The following CD247 variants were observed in gnomAD, a reference collection of about 807,000 sequenced individuals.
CD247 encodes the protein CD247 molecule.
Under a neutral mutation model 30.0 loss-of-function variants are expected in CD247, and 13 were observed. The observed-to-expected ratio is 0.43, with a 90% confidence interval of 0.28 to 0.69. The LOEUF is 0.69. CD247 is among the 30% of genes least tolerant of loss of function. CD247 has a pLI of 0.16. For missense variants in CD247, 193 were observed against 212.6 expected (o/e 0.91, Z 0.57); for synonymous variants, 72 against 80.0 (o/e 0.90, Z 0.53).
At chr1:167,434,224 C>T in intron 5 of CD247, 148 bp from the exon 6 acceptor site, 2 of 755,776 alleles carry the variant, frequency 2.6e-6, no homozygotes, top group African/African-American at 1.7e-5. Context: ...ACCTTATGCA[C>T]ACAAACTTCT....
intron 1 of CD247, among the ~76,000 whole-genome samples, chr1:167,480,808 GTAATTCATT>G (rs1402943935): frequency 1.3e-5 from 2 of 152,306 alleles, no homozygotes; most frequent in Non-Finnish European, 2.9e-5. Context: ...TTGGTTACAA[GTAATTCATT>G]TAATTCATGA....
intron 1 of CD247, among the ~76,000 whole-genome samples, chr1:167,460,533 G>C (rs139836463): frequency 5.0e-4 from 76 of 152,350 alleles, no homozygotes; most frequent in African/African-American, 1.7e-3. Context: ...AGGAGAGCCA[G>C]CTTCTCAGCT....
At chr1:167,483,133 C>G (rs1256024162) in intron 1 of CD247, among the ~76,000 whole-genome samples, 1 of 151,884 alleles carries the variant, frequency 6.6e-6, no homozygotes, top group Admixed American at 6.6e-5. Flanking sequence ...CTCAGCCTCC[C>G]GAGTAGCTGG....
chr1:167,492,441 C>CA (rs1331696133), intron 1 of CD247, among the ~76,000 whole-genome samples: 2 of 152,162 alleles, frequency 1.3e-5, no homozygotes, highest in Non-Finnish European at 2.9e-5. Flanking sequence ...CCACTGCTCT[C>CA]AGAGACAAAG....
At chr1:167,456,995 CTCTT>C (rs1652708353) in intron 1 of CD247, among the ~76,000 whole-genome samples, 6 of 152,208 alleles carry the variant, frequency 3.9e-5, no homozygotes, top group Non-Finnish European at 7.3e-5. Context: ...ATTTCTTTGT[CTCTT>C]TCCAGCCCTG....
Position 167,518,415 on chromosome 1 carries a change from C to A in CD247, c.51G>T (p.Pro17=). 6.2e-7 allele frequency: 1 copy of A among 1,614,152 alleles called. No individual in the cohort carries two copies. Residue 17 remains proline, a synonymous_variant, in exon 1 of 8, where the codon CCG becomes CCT. Transcript: ENST00000362089. ...FTAAILQAQL[P]ITEAQSFGLL... is the part of the protein sequence containing the mutation. ...TCGACACGTCGGCCCTACCTGTAAT[C>A]GGCAACTGTGCCTGCAGGATGGCCG...
At position 167,431,940 on chromosome 1, in the gene CD247, C is replaced by T. The variant is rs114478569; in HGVS notation, c.430-194G>A. 1.2e-3 allele frequency among the ~76,000 whole-genome samples: 183 copies of T among 152,316 alleles called. 1 individual carries two copies. Among genetic ancestry groups the T allele is most frequent in the African/African-American group, 4.3e-3 (177 of 41,572 alleles). On this transcript the variant is annotated intron_variant, in intron 7 of 7. Transcript: ENST00000362089. ...CAACAGCTTCGTTGGTAGATGGGTG[C>T]TGTGCCCTGCCGGGAATGGCCTTGC...
chr1:167,465,739 A>G (rs1164088538), intron 1 of CD247, among the ~76,000 whole-genome samples: 2 of 152,154 alleles, frequency 1.3e-5, no homozygotes, highest in Non-Finnish European at 2.9e-5. Flanking sequence ...TATTTATTTC[A>G]CAGCAGCAGG....
At chr1:167,498,662 T>G (rs1265821489) in intron 1 of CD247, among the ~76,000 whole-genome samples, 1 of 152,234 alleles carries the variant, frequency 6.6e-6, no homozygotes, top group Non-Finnish European at 1.5e-5. Context: ...ATCTTCATTT[T>G]ATAAAGAAGA....
chr1:167,460,002 G>A (rs930943843), intron 1 of CD247: 3 of 152,172 alleles, frequency 2.0e-5, no homozygotes, highest in African/African-American at 4.8e-5. Flanking sequence ...AGTCAGGTAG[G>A]TTTTCCCCGA....
At chr1:167,482,993 ATTCTTTCT>A (rs146766315) in intron 1 of CD247, among the ~76,000 whole-genome samples, 5 of 135,922 alleles carry the variant, frequency 3.7e-5, no homozygotes, top group East Asian at 2.1e-4. Context: ...ACTAACCAAT[ATTCTTTCT>A]TTCTTTCTTT....
chr1:167,515,293 CAAT>C (rs1229499717), intron 1 of CD247, among the ~76,000 whole-genome samples: 1 of 152,238 alleles, frequency 6.6e-6, no homozygotes, highest in Non-Finnish European at 1.5e-5. Flanking sequence ...TGTGCACCCA[CAAT>C]AGCCCTTTGG....
At chr1:167,472,455 A>G (rs1443318565) in intron 1 of CD247, among the ~76,000 whole-genome samples, 1 of 152,228 alleles carries the variant, frequency 6.6e-6, no homozygotes, top group Non-Finnish European at 1.5e-5. Flanking sequence ...ATGCACTCAC[A>G]CACAGTGTGT....
chr1:167,498,364 G>A (rs953960515), intron 1 of CD247, among the ~76,000 whole-genome samples: 4 of 152,230 alleles, frequency 2.6e-5, no homozygotes, highest in Non-Finnish European at 4.4e-5. Flanking sequence ...GACACTGGGT[G>A]AGGCCAGGTG....
At chr1:167,440,953 C>T (rs1651795241) in intron 1 of CD247, among the ~76,000 whole-genome samples, 186 bp from the exon 2 acceptor site, 1 of 152,230 alleles carries the variant, frequency 6.6e-6, no homozygotes, top group Non-Finnish European at 1.5e-5. Context: ...CCTGGAAAAC[C>T]TATTGGCACC....
chr1:167,463,238 A>C (rs1325562603), intron 1 of CD247, among the ~76,000 whole-genome samples: 1 of 152,162 alleles, frequency 6.6e-6, no homozygotes, highest in African/African-American at 2.4e-5. Context: ...AATGTGACCT[A>C]TGGCCTGGGG....
intron 1 of CD247, among the ~76,000 whole-genome samples, chr1:167,465,658 T>C (rs1322532118): frequency 6.6e-6 from 1 of 152,204 alleles, no homozygotes; most frequent in Admixed American, 6.5e-5. Context: ...CCTGTAGTGT[T>C]GCTCTAGTTT....
chr1:167,475,993 T>C (rs36105118), intron 1 of CD247, among the ~76,000 whole-genome samples: 2,122 of 151,846 alleles, frequency 0.014, 50 homozygotes, highest in African/African-American at 0.049. Flanking sequence ...TAGTATAGTA[T>C]ATATTTTTTT....
At chr1:167,493,956 G>T (rs1374337309) in intron 1 of CD247, among the ~76,000 whole-genome samples, 2 of 152,152 alleles carry the variant, frequency 1.3e-5, no homozygotes, top group African/African-American at 4.8e-5. Context: ...TACCCTATAT[G>T]CTCTCACCAT....
Sources: gnomAD v4.1 joint callset for allele counts (sites outside exome capture counted in the v4.1 genomes callset) on GRCh38, gnomAD v4.1.1 for gene constraint, MANE v1.5 for transcripts, NCBI Gene and HGNC (gene_info 2026-07-23, HGNC 2026-07-21) for gene names.